Variants in MGAT4D observed in about 807,000 individuals in gnomAD.
MGAT4D encodes MGAT4 family member D, also known as alpha-1,3-mannosyl-glycoprotein 4-beta-N-acetylglucosaminyltransferase-like protein MGAT4D.
MGAT4D carries 34 observed loss-of-function variants against 15.9 expected under a neutral mutation model. That is an observed-to-expected ratio of 2.14 (90% CI 1.62 to 2.84). MGAT4D has a LOEUF of 2.84. Among genes scored for constraint, MGAT4D ranks in the 30% most tolerant of loss-of-function variants. MGAT4D has a pLI of 0.00. For missense variants in MGAT4D, 327 were observed against 140.2 expected (o/e 2.33, Z -6.73); for synonymous variants, 112 against 48.2 (o/e 2.33, Z -5.49).
chr4:140,471,638 A>T, intron 5 of MGAT4D, 137 bp downstream of exon 5: 1 of 264,644 alleles, frequency 3.8e-6, no homozygotes, highest in Middle Eastern at 4.0e-4. Context: ...CTTAGAAAGG[A>T]CTACAGGTTC....
At chr4:140,461,360 T>C (rs1168211539) in intron 7 of MGAT4D, among the ~76,000 whole-genome samples, 1 of 152,174 alleles carries the variant, frequency 6.6e-6, no homozygotes, top group South Asian at 2.1e-4. Context: ...TGAGAGCACA[T>C]TGTCTATGTA....
rs1326048699 is a variant in MGAT4D, at chr4:140,482,410, TC to T, written c.169del (p.Glu57LysfsTer7). 9.0e-5 allele frequency: 59 copies of T among 653,766 alleles called. No homozygotes were observed. Among genetic ancestry groups the T allele is most frequent in the Non-Finnish European group, 1.5e-4 (56 of 366,814 alleles). The allele number at this position is 653,766 out of a possible 1,614,324, so 40.5% of individuals were successfully genotyped here. A position where few individuals can be genotyped will look rare whatever the true frequency, so the allele number is the denominator to read the frequency against. ...TTTCATCATCTCTTGGGTATTTTTT[TC>T]AGTTTTGTTTCTTAAGTGTAGCATA... ...ENMLHLRNKT[E>X]KNTQEMMKVL... On this transcript the variant is annotated frameshift_variant, in exon 2 of 11. Transcript: ENST00000511113. LOFTEE classifies it high-confidence loss of function.
rs538630559 is a variant in MGAT4D, at chr4:140,477,998, T to C, written c.391+1492A>G. Among the ~76,000 whole-genome samples, 3 of 152,348 alleles carry C rather than the reference T, an allele frequency of 2.0e-5. No individual in the cohort carries two copies. In the South Asian group the frequency reaches 6.2e-4, roughly 32 times the overall value. Reference sequence around the variant, plus strand: ...ACAAGACTGATGATGGATTCCCTAGTAGGCCTTGCCACAGGCTTCAATCCT... The same window carrying C: ...ACAAGACTGATGATGGATTCCCTAGCAGGCCTTGCCACAGGCTTCAATCCT... On this transcript the variant is annotated intron_variant, in intron 3 of 10. Transcript: ENST00000511113.
chr4:140,451,093 T>A (rs1282392810), intron 10 of MGAT4D, among the ~76,000 whole-genome samples: 4 of 152,210 alleles, frequency 2.6e-5, no homozygotes, highest in African/African-American at 4.8e-5. Context: ...TAATTTTGAA[T>A]TTTAGACTAA....
chr4:140,480,071 C>T (rs938183762), intron 2 of MGAT4D, among the ~76,000 whole-genome samples: 6 of 152,022 alleles, frequency 3.9e-5, no homozygotes, highest in African/African-American at 7.2e-5. Context: ...TGTTAGAGGA[C>T]GCACATTGCC....
At chr4:140,452,239 G>T (rs1411343338) in intron 9 of MGAT4D, among the ~76,000 whole-genome samples, 1 of 151,788 alleles carries the variant, frequency 6.6e-6, no homozygotes, top group African/African-American at 2.4e-5. Flanking sequence ...TGATCACTGA[G>T]AATTATTTTA....
At chr4:140,478,732 C>T (rs547390396) in intron 3 of MGAT4D, among the ~76,000 whole-genome samples, 2 of 150,252 alleles carry the variant, frequency 1.3e-5, no homozygotes, top group Admixed American at 1.3e-4. Context: ...TACTTATTCC[C>T]AAGGAACTGC....
At chr4:140,484,472 C>A (rs1353148338) in intron 1 of MGAT4D, among the ~76,000 whole-genome samples, 1 of 152,002 alleles carries the variant, frequency 6.6e-6, no homozygotes, top group Non-Finnish European at 1.5e-5. Flanking sequence ...GGCTCCTTAC[C>A]TTCAGGACAT....
intron 5 of MGAT4D, among the ~76,000 whole-genome samples, chr4:140,470,276 TC>T (rs1353677442): frequency 6.6e-6 from 1 of 152,158 alleles, no homozygotes; most frequent in African/African-American, 2.4e-5. Flanking sequence ...CTCGTAAAGT[TC>T]CCCCAACCCT....
chr4:140,458,245 C>T (rs1282827252), intron 8 of MGAT4D: 1 of 152,082 alleles, frequency 6.6e-6, no homozygotes. Context: ...ATAGATAAGC[C>T]AAATGTGAGT....
chr4:140,456,185 G>T (rs1730784310), intron 9 of MGAT4D, among the ~76,000 whole-genome samples: 1 of 151,880 alleles, frequency 6.6e-6, no homozygotes, highest in African/African-American at 2.4e-5. Context: ...GTGTTTGTAT[G>T]GTATATATTT....
chr4:140,471,738 G>A, intron 5 of MGAT4D, 37 bp downstream of exon 5: 1 of 413,152 alleles, frequency 2.4e-6, no homozygotes, highest in Non-Finnish European at 4.4e-6. Context: ...AAAAATGAAA[G>A]AATGGCTAAT....
chr4:140,459,597 C>A lies in MGAT4D; in HGVS notation c.792G>T (p.Met264Ile). The change falls in exon 8 of 11, where the codon ATG becomes ATT. Residue 264 changes from methionine to isoleucine, a missense_variant. Met to Ile is a conservative substitution (Grantham distance 10, BLOSUM62 1). Coordinates refer to ENST00000511113, the MANE Select transcript of MGAT4D (RefSeq NM_001277353.2). Reference sequence around the variant, plus strand: ...CAAAATCTGTTATTTTTGTAAAGTACATCTCTTTAGCTATGATATCATCTT... The same window carrying A: ...CAAAATCTGTTATTTTTGTAAAGTAAATCTCTTTAGCTATGATATCATCTT... ...QLEDDIIAKEMYFTKITDFVG... is the reference protein window; with the variant it reads ...QLEDDIIAKEIYFTKITDFVG... 1.9e-6 allele frequency: 1 copy of A among 513,584 alleles called. No homozygotes were observed. Among genetic ancestry groups the A allele is most frequent in the South Asian group, 2.9e-5 (1 of 34,518 alleles). 31.8% of individuals were successfully genotyped at this position (513,584 alleles called of 1,614,324 possible).
intron 9 of MGAT4D, among the ~76,000 whole-genome samples, chr4:140,453,228 A>T (rs1332526900): frequency 6.6e-6 from 1 of 152,000 alleles, no homozygotes; most frequent in Non-Finnish European, 1.5e-5. Context: ...ATTTTAGTAG[A>T]TCTATTTCGT....
At chr4:140,450,295 G>A (rs1730391235) in intron 10 of MGAT4D, among the ~76,000 whole-genome samples, 1 of 152,220 alleles carries the variant, frequency 6.6e-6, no homozygotes, top group South Asian at 2.1e-4. Flanking sequence ...ATTTACAAAG[G>A]TGAGGTTAAA....
At chr4:140,495,639 G>A (rs1006468868) in intron 1 of MGAT4D, among the ~76,000 whole-genome samples, 66 of 152,222 alleles carry the variant, frequency 4.3e-4, no homozygotes, top group African/African-American at 1.5e-3. Flanking sequence ...TTGCATATTT[G>A]TTCATCAAAT....
chr4:140,446,743 G>GTTTTTT (rs149442061), intron 10 of MGAT4D, among the ~76,000 whole-genome samples: 1 of 8,170 alleles, frequency 1.2e-4, no homozygotes, highest in African/African-American at 5.0e-4. Flanking sequence ...TGCTTCTCTA[G>GTTTTTT]TTTTTTTTTT....
intron 1 of MGAT4D, among the ~76,000 whole-genome samples, chr4:140,485,114 C>T (rs571241580): frequency 2.6e-4 from 40 of 152,206 alleles, no homozygotes; most frequent in African/African-American, 6.0e-4. Context: ...ATGTTTACTG[C>T]GGCACTATTC....
intron 1 of MGAT4D, among the ~76,000 whole-genome samples, chr4:140,487,716 C>T (rs1348916452): frequency 6.6e-6 from 1 of 152,104 alleles, no homozygotes; most frequent in South Asian, 2.1e-4. Flanking sequence ...CAAAACAGTA[C>T]AGTTTTGCTT....
Sources: gnomAD v4.1 joint callset for allele counts (sites outside exome capture counted in the v4.1 genomes callset) on GRCh38, gnomAD v4.1.1 for gene constraint, MANE v1.5 for transcripts, NCBI Gene and HGNC (gene_info 2026-07-23, HGNC 2026-07-21) for gene names.